MANBA: variants seen among roughly 807,000 people sequenced by gnomAD.
MANBA encodes beta-mannosidase.
In MANBA, 83 loss-of-function variants were observed where a neutral mutation model predicts 111.1. The ratio of observed to expected loss-of-function variants is 0.75; its 90% confidence interval spans 0.63 to 0.90. The LOEUF (loss-of-function observed/expected upper bound fraction) is 0.90. Among genes scored for constraint, MANBA ranks in the 40% least tolerant of loss-of-function variants. The pLI, the probability that MANBA is intolerant of heterozygous loss-of-function variation, is 0.00. For missense variants in MANBA, 1,036 were observed against 1,069.0 expected, an observed-to-expected ratio of 0.97 and a Z score of 0.43; for synonymous variants, 370 against 378.7, an observed-to-expected ratio of 0.98 and a Z score of 0.27.
chr4:102,699,501 A>G (rs967904555), intron 5 of MANBA, among the ~76,000 whole-genome samples: 114 of 150,492 alleles, frequency 7.6e-4, no homozygotes, highest in Non-Finnish European at 1.6e-3. Flanking sequence ...GGTTTGTCAT[A>G]GATAGCTCTT....
At chr4:102,730,554 G>C in intron 1 of MANBA, 1 of 534,816 alleles carries the variant, frequency 1.9e-6, no homozygotes, top group Non-Finnish European at 3.8e-6. Context: ...AATAAGGCAA[G>C]ACGTAATTTA....
chr4:102,701,188 C>T (rs967271916), intron 5 of MANBA, among the ~76,000 whole-genome samples: 1 of 151,376 alleles, frequency 6.6e-6, no homozygotes, highest in African/African-American at 2.4e-5. Flanking sequence ...CAACCCCTGC[C>T]TTTTTTTGTT....
chr4:102,737,889 T>G (rs1018054268), intron 1 of MANBA, among the ~76,000 whole-genome samples: 1 of 152,176 alleles, frequency 6.6e-6, no homozygotes, highest in East Asian at 1.9e-4. Context: ...AACCCCATAG[T>G]GGCCATGGCA....
chr4:102,693,293 A>G (rs1388443198), intron 5 of MANBA, among the ~76,000 whole-genome samples: 2 of 152,176 alleles, frequency 1.3e-5, no homozygotes, highest in Non-Finnish European at 2.9e-5. Flanking sequence ...TTTTATAAAT[A>G]AACTTTTATT....
intron 8 of MANBA, chr4:102,672,075 T>C (rs1731522682): frequency 2.5e-6 from 1 of 398,498 alleles, no homozygotes; most frequent in Admixed American, 4.4e-5. Context: ...AGAGGAGCAT[T>C]TGAAAAGGAA....
In MANBA at chr4:102,677,727, G is replaced by T. The variant is rs536004296; in HGVS notation, c.961-3657C>A. 5.3e-5 allele frequency among the ~76,000 whole-genome samples: 8 copies of T among 152,264 alleles called. No individual in the cohort carries two copies. The South Asian group carries it at 1.7e-3, about 32-fold the overall frequency. On this transcript the variant is annotated intron_variant, in intron 7 of 16. Coordinates refer to ENST00000647097, the MANE Select transcript of MANBA (RefSeq NM_005908.4). ...CAACCGAAACAACATATTGCAAATT[G>T]ACTGAAGGCAGATACAGATGAGAAT... is the stretch of plus-strand genomic sequence containing the variant.
At chr4:102,695,269 CA>C (rs57790115) in intron 5 of MANBA, among the ~76,000 whole-genome samples, 50 of 139,540 alleles carry the variant, frequency 3.6e-4, no homozygotes, top group Middle Eastern at 7.1e-3. Flanking sequence ...GACAAAAAGC[CA>C]AAAAAAAAGA....
chr4:102,750,014 GT>G (rs796325180), intron 1 of MANBA, among the ~76,000 whole-genome samples: 1 of 151,810 alleles, frequency 6.6e-6, no homozygotes, highest in Non-Finnish European at 1.5e-5. Flanking sequence ...TAAACTATCT[GT>G]TTTTTTTAAA....
chr4:102,705,255 C>T (rs548672238), intron 5 of MANBA, among the ~76,000 whole-genome samples: 1 of 152,280 alleles, frequency 6.6e-6, no homozygotes, highest in South Asian at 2.1e-4. Flanking sequence ...CCTCCACCCT[C>T]GCAGCCCCCA....
chr4:102,653,662 T>G (rs983214357), intron 12 of MANBA, among the ~76,000 whole-genome samples: 1 of 152,230 alleles, frequency 6.6e-6, no homozygotes, highest in African/African-American at 2.4e-5. Flanking sequence ...TGATTCATAA[T>G]GAGCAGCACT....
At chr4:102,708,939 A>G (rs116546261) in intron 5 of MANBA, among the ~76,000 whole-genome samples, 1,683 of 152,152 alleles carry the variant, frequency 0.011, 40 homozygotes, top group African/African-American at 0.038. Context: ...ACCAGAGACT[A>G]TTATGAACGA....
chr4:102,738,575 C>A (rs886324842), intron 1 of MANBA, among the ~76,000 whole-genome samples: 3 of 152,194 alleles, frequency 2.0e-5, no homozygotes, highest in Non-Finnish European at 4.4e-5. Context: ...CAAGGGAATA[C>A]CCCATGGGAC....
At position 102,631,572 on chromosome 4, in the gene MANBA, T is replaced by A. The variant is rs1729374983; in HGVS notation, c.*485A>T. 1 of 409,916 alleles carries A rather than the reference T, an allele frequency of 2.4e-6. No individual in the cohort carries two copies. The highest frequency in any genetic ancestry group is 2.1e-5 in the African/African-American group (1 of 48,702). 25.4% of individuals were successfully genotyped at this position (409,916 alleles called of 1,614,324 possible). On this transcript the variant is annotated 3_prime_UTR_variant, in exon 17 of 17. Transcript: ENST00000647097. Reference sequence around the variant, plus strand: ...AAATACCCATATACCTTTACCCAAATAGCTACCACCAAGAAATCTCTGTTG... The same window carrying A: ...AAATACCCATATACCTTTACCCAAAAAGCTACCACCAAGAAATCTCTGTTG...
At chr4:102,658,585 C>T (rs932152514) in intron 11 of MANBA, among the ~76,000 whole-genome samples, 3 of 152,098 alleles carry the variant, frequency 2.0e-5, no homozygotes, top group African/African-American at 7.2e-5. Context: ...TAGTAAATAA[C>T]TCTCATGTGA....
At chr4:102,700,188 T>C (rs1287845645) in intron 5 of MANBA, among the ~76,000 whole-genome samples, 1 of 151,226 alleles carries the variant, frequency 6.6e-6, no homozygotes, top group South Asian at 2.1e-4. Flanking sequence ...TGTATTTCTG[T>C]GGGATCGGTG....
In MANBA at chr4:102,650,637, C is replaced by T; in HGVS notation, c.1769G>A (p.Gly590Asp). 3 of 1,613,424 alleles carry T rather than the reference C, an allele frequency of 1.9e-6. No homozygotes were observed. Among genetic ancestry groups the T allele is most frequent in the Non-Finnish European group, 2.5e-6 (3 of 1,179,430 alleles). ...KFSLHRQHHE[G>D]GNKQMLYQAG... ...CTGATAAAGCATTTGTTTGTTACCA[C>T]CTTCGTGATGTTGTCGATGAAGTGA... is the stretch of plus-strand genomic sequence containing the variant. The change falls in exon 13 of 17, where the codon GGT becomes GAT. Residue 590 changes from glycine to aspartate, a missense_variant. By Grantham distance (94) the Gly-to-Asp change is moderately conservative (BLOSUM62 -1). Transcript: ENST00000647097.
intron 11 of MANBA, among the ~76,000 whole-genome samples, chr4:102,658,287 T>A (rs1265354188): frequency 6.6e-6 from 1 of 152,130 alleles, no homozygotes; most frequent in African/African-American, 2.4e-5. Flanking sequence ...TTATGCATTG[T>A]AGGATATTTA....
At chr4:102,728,184 G>A (rs912591536) in intron 1 of MANBA, 13 of 538,862 alleles carry the variant, frequency 2.4e-5, no homozygotes, top group Non-Finnish European at 4.5e-5. Context: ...TGCTCTATGT[G>A]AGGCTGTTCC....
chr4:102,637,451 C>G (rs1289705298), intron 14 of MANBA, among the ~76,000 whole-genome samples: 1 of 152,186 alleles, frequency 6.6e-6, no homozygotes, highest in African/African-American at 2.4e-5. Context: ...GGCCAAGAAG[C>G]TGAATGGACA....
Sources: allele counts gnomAD v4.1 joint callset (sites outside exome capture counted in the v4.1 genomes callset), GRCh38; gene constraint gnomAD v4.1.1; transcripts MANE v1.5; gene names NCBI Gene and HGNC (gene_info 2026-07-23, HGNC 2026-07-21).